The following FCAMR variants were observed in gnomAD, a reference collection of about 807,000 sequenced individuals.
FCAMR encodes Fc alpha and mu receptor.
FCAMR carries 51 observed loss-of-function variants against 52.2 expected under a neutral mutation model. The observed-to-expected ratio is 0.98, with a 90% confidence interval of 0.78 to 1.23. The LOEUF is 1.23. Ranked by LOEUF, FCAMR falls within the 50% of genes most tolerant of loss-of-function variation. The pLI is 0.00. For synonymous variants in FCAMR, 282 were observed against 262.0 expected, an observed-to-expected ratio of 1.08 and a Z score of -0.74; for missense variants, 719 against 712.6, an observed-to-expected ratio of 1.01 and a Z score of -0.10.
Position 206,961,166 on chromosome 1 carries a change from G to A in FCAMR, c.710C>T (p.Ser237Phe). Residue 237 changes from serine to phenylalanine, a missense_variant, in exon 6 of 8, where the codon TCC becomes TTC. By Grantham distance (155) the Ser-to-Phe change is radical. Transcript: ENST00000324852. The part of the protein sequence containing the change: ...TPAAGELTMR[S>F]YGTASPVANR... ...GGCCACTGGAGACGCTGTTCCATAGGATCTCATGGTGAGCTCCCCAGCAGC... is the reference window on the plus strand; with the variant it reads ...GGCCACTGGAGACGCTGTTCCATAGAATCTCATGGTGAGCTCCCCAGCAGC... The A allele has an allele frequency of 1.3e-6, 2 of 1,551,618 alleles. No homozygotes were observed. Among genetic ancestry groups the A allele is most frequent in the Non-Finnish European group, 1.7e-6 (2 of 1,146,952 alleles).
At chr1:206,968,077 T>C (rs1680785483) in intron 1 of FCAMR, among the ~76,000 whole-genome samples, 1 of 152,204 alleles carries the variant, frequency 6.6e-6, no homozygotes, top group Non-Finnish European at 1.5e-5. Flanking sequence ...CAGTGGCTCA[T>C]GCCTGTAATC....
At chr1:206,966,411 A>T (rs976165620) in intron 3 of FCAMR, among the ~76,000 whole-genome samples, 3 of 152,136 alleles carry the variant, frequency 2.0e-5, no homozygotes, top group Admixed American at 6.5e-5. Context: ...TTTGAGATGG[A>T]GTCTCGCTCT....
intron 4 of FCAMR, 94 bp downstream of exon 4, chr1:206,965,621 G>A: frequency 7.2e-7 from 1 of 1,398,228 alleles, no homozygotes. Context: ...GGAGAGGCTA[G>A]GGCTGCCTAT....
intron 7 of FCAMR, 43 bp from the exon 8 acceptor site, chr1:206,958,719 C>T (rs1558021870): frequency 6.2e-7 from 1 of 1,612,964 alleles, no homozygotes; most frequent in African/African-American, 1.3e-5. Context: ...TGGGTAAGGA[C>T]AGCACTGACT....
rs1372385374 is a variant in FCAMR, at chr1:206,960,995, G to A, written c.881C>T (p.Thr294Ile). The change falls in exon 6 of 8, where the codon ACA (threonine) becomes ATA (isoleucine). Residue 294 changes from threonine to isoleucine, a missense_variant. Coordinates refer to ENST00000324852, the MANE Select transcript of FCAMR (RefSeq NM_001170631.2). ...GACAGAACCCTCTGCCCAGCTGCCT[G>A]TCCCTGGAGCTGCTGGCCTGGTTGC... is the stretch of plus-strand genomic sequence containing the variant. Reference protein sequence around the residue: ...PGATRPAAPGTGSWAEGSVKA... With the variant: ...PGATRPAAPGIGSWAEGSVKA... 4 of 1,551,792 alleles carry A rather than the reference G, an allele frequency of 2.6e-6. No homozygotes were observed. Among genetic ancestry groups the A allele is most frequent in the Admixed American group, 3.9e-5 (2 of 50,990 alleles).
At chr1:206,966,173 G>T (rs931787322) in intron 3 of FCAMR, among the ~76,000 whole-genome samples, 2 of 152,198 alleles carry the variant, frequency 1.3e-5, no homozygotes, top group African/African-American at 4.8e-5. Flanking sequence ...AGATTAAAGT[G>T]CTGACCAAAG....
chr1:206,963,335 C>T (rs557652023), intron 4 of FCAMR, among the ~76,000 whole-genome samples: 1 of 152,256 alleles, frequency 6.6e-6, no homozygotes, highest in Admixed American at 6.5e-5. Context: ...AGTTGAACCA[C>T]ATATATGGCC....
At chr1:206,968,189 A>G (rs1680791127) in intron 1 of FCAMR, among the ~76,000 whole-genome samples, 1 of 152,136 alleles carries the variant, frequency 6.6e-6, no homozygotes, top group African/African-American at 2.4e-5. Flanking sequence ...AAATACAAAA[A>G]TTAGCCTGAC....
chr1:206,960,139 C>T (rs1220439865), intron 6 of FCAMR: 9 of 502,274 alleles, frequency 1.8e-5, no homozygotes, highest in Admixed American at 1.4e-4. Flanking sequence ...CCCCTCTCTC[C>T]GGAGCGCCTA....
chr1:206,960,273 C>T (rs995928057), intron 6 of FCAMR, 149 bp downstream of exon 6: 4 of 769,852 alleles, frequency 5.2e-6, no homozygotes, highest in African/African-American at 3.5e-5. Context: ...CAGCAAGGCC[C>T]CTTGGGTGAG....
At chr1:206,968,332 TCAACAA>T (rs143325039) in intron 1 of FCAMR, among the ~76,000 whole-genome samples, 1 of 151,860 alleles carries the variant, frequency 6.6e-6, no homozygotes, top group African/African-American at 2.4e-5. Flanking sequence ...AGACTCTGTC[TCAACAA>T]CAACAACAAC....
rs1325071781 is a variant in FCAMR, at chr1:206,960,705, G to T, written c.1171C>A (p.Leu391Ile). ...TTAGAAACTGGCGTTGCTTGTGGGA[G>T]GATTTCCCAGGCCAAAGTTTCTGAG... ...LVSETLAWEI[L>I]PQATPVSKQQ... Residue 391 changes from leucine (L) to isoleucine (I), a missense_variant, in exon 6 of 8, where the codon CTC (leucine) becomes ATC (isoleucine). Coordinates refer to ENST00000324852, the MANE Select transcript of FCAMR (RefSeq NM_001170631.2). The T allele has an allele frequency of 3.2e-6, 5 of 1,552,274 alleles. No individual in the cohort carries two copies. The highest frequency in any genetic ancestry group is 4.4e-6 in the Non-Finnish European group (5 of 1,147,112).
chr1:206,969,311 G>A (rs1345058053), intron 1 of FCAMR: 2 of 456,460 alleles, frequency 4.4e-6, no homozygotes, highest in East Asian at 1.4e-4. Context: ...GAGGAAGCAG[G>A]AGTATGAGAT....
chr1:206,967,159 G>A (rs755988122), intron 2 of FCAMR, 47 bp from the exon 3 acceptor site: 30 of 1,591,370 alleles, frequency 1.9e-5, no homozygotes, highest in Non-Finnish European at 2.3e-5. Flanking sequence ...GAAGCTGGGT[G>A]AGGGTGGTGG....
At position 206,967,605 on chromosome 1, in the gene FCAMR, G is replaced by C; in HGVS notation, c.86C>G (p.Ala29Gly). 6.2e-7 allele frequency: 1 copy of C among 1,614,158 alleles called. No individual in the cohort carries two copies. The highest frequency in any genetic ancestry group is 1.1e-5 in the South Asian group (1 of 91,086). The change falls in exon 2 of 8, where the codon GCT becomes GGT. Residue 29 changes from alanine to glycine, a missense_variant. By Grantham distance (60) the Ala-to-Gly change is moderately conservative. Transcript: ENST00000324852. ...GREVDYSRLI[A>G]GTLPQSHVTS... The stretch of plus-strand genomic sequence containing the variant: ...TACGTGAGATTGTGGTAAAGTGCCA[G>C]CAATGAGCCTGGAGTAGTCCACTTC...
chr1:206,969,392 G>C (rs936625182), intron 1 of FCAMR: 1 of 429,160 alleles, frequency 2.3e-6, no homozygotes. Context: ...ATGTCTCCAA[G>C]TCACCCTCTC....
At chr1:206,959,577 C>T in intron 7 of FCAMR, 102 bp downstream of exon 7, 1 of 831,810 alleles carries the variant, frequency 1.2e-6, no homozygotes, top group Non-Finnish European at 2.0e-6. Flanking sequence ...TTTAGCTCTT[C>T]TACATTGAAA....
intron 7 of FCAMR, among the ~76,000 whole-genome samples, chr1:206,959,289 C>G (rs1300808297): frequency 1.3e-5 from 2 of 152,006 alleles, no homozygotes; most frequent in East Asian, 1.9e-4. Flanking sequence ...CCATTCTGGC[C>G]AACACAGTGA....
At chr1:206,966,778 A>G (rs1263384986) in intron 3 of FCAMR, among the ~76,000 whole-genome samples, 2 of 152,198 alleles carry the variant, frequency 1.3e-5, no homozygotes, top group African/African-American at 4.8e-5. Context: ...CCATTCATTC[A>G]TTAATTTATT....
Sources: gnomAD v4.1 joint callset for allele counts (sites outside exome capture counted in the v4.1 genomes callset) on GRCh38, gnomAD v4.1.1 for gene constraint, MANE v1.5 for transcripts, NCBI Gene and HGNC (gene_info 2026-07-23, HGNC 2026-07-21) for gene names.